The following FER1L6 variants were observed in gnomAD, a reference collection of about 807,000 sequenced individuals.
FER1L6 encodes fer-1 like family member 6, also known as fer-1-like protein 6.
A neutral mutation model predicts 219.2 loss-of-function variants in FER1L6; 177 were observed. That is an observed-to-expected ratio of 0.81 (90% confidence interval 0.71 to 0.91). The LOEUF (loss-of-function observed/expected upper bound fraction) is 0.91, where lower values mean the gene tolerates loss of function less well. Ranked by LOEUF, FER1L6 falls within the 40% of genes least tolerant of loss-of-function variation. FER1L6 has a pLI of 0.00. For missense variants in FER1L6, 2,153 were observed against 2,259.9 expected, an observed-to-expected ratio of 0.95 and a Z score of 0.96; for synonymous variants, 768 against 824.3, an observed-to-expected ratio of 0.93 and a Z score of 1.17.
Position 124,091,505 on chromosome 8 carries a change from C to G in FER1L6, c.4474C>G (p.Pro1492Ala), listed in dbSNP as rs764463803. ...CTGCAAAGACAACAAGCTGGATGGA[C>G]CCTACTTTCACCCTGGGAAAATACA... Reference protein sequence around the residue: ...KLCKDNKLDGPYFHPGKIQIG... With the variant: ...KLCKDNKLDGAYFHPGKIQIG... The change falls in exon 34 of 41, where the codon CCC becomes GCC. Residue 1492 changes from proline (P) to alanine (A), a missense_variant. Coordinates refer to ENST00000522917, the MANE Select transcript of FER1L6 (RefSeq NM_001039112.2). The G allele has an allele frequency of 6.2e-7, 1 of 1,613,900 alleles. No homozygotes were observed. Among genetic ancestry groups the G allele is most frequent in the Non-Finnish European group, 8.5e-7 (1 of 1,179,794 alleles).
intron 12 of FER1L6, among the ~76,000 whole-genome samples, chr8:123,997,131 C>G (rs1268199805): frequency 6.6e-6 from 1 of 152,102 alleles, no homozygotes; most frequent in Non-Finnish European, 1.5e-5. Flanking sequence ...TTTCTTGTTG[C>G]TCATTAACAT....
chr8:123,940,449 T>G (rs1814192834), intron 1 of FER1L6, among the ~76,000 whole-genome samples: 1 of 152,212 alleles, frequency 6.6e-6, no homozygotes, highest in African/African-American at 2.4e-5. Context: ...ACAGTTTTCC[T>G]GCCTCAGCCT....
At chr8:124,033,928 T>C (rs1819086278) in intron 18 of FER1L6, among the ~76,000 whole-genome samples, 1 of 152,162 alleles carries the variant, frequency 6.6e-6, no homozygotes. Context: ...CTGAGTCTTC[T>C]GGCCCCACTC....
At chr8:123,974,437 A>T (rs974513447) in intron 7 of FER1L6, among the ~76,000 whole-genome samples, 2 of 151,994 alleles carry the variant, frequency 1.3e-5, no homozygotes, top group Non-Finnish European at 2.9e-5. Flanking sequence ...GGAGTTCAAG[A>T]CCAGCCTGGC....
rs200894396 is a variant in FER1L6, at chr8:124,049,709, G to T, written c.2827G>T (p.Gly943Trp). ...GTTATGCTATCACCCCATCTTTTGT[G>T]GGAATCTCTCTGGAGGGGATCTCCT... ...PRLCYHPIFC[G>W]NLSGGDLLAV... Residue 943 changes from glycine to tryptophan, a missense_variant, in exon 22 of 41, where the codon GGG becomes TGG. Gly to Trp is a radical substitution (Grantham distance 184). Transcript: ENST00000522917. 2.5e-3 allele frequency: 3,990 copies of T among 1,614,068 alleles called. 24 individuals are homozygous for T. Among genetic ancestry groups the T allele is most frequent in the South Asian group, 9.2e-3 (842 of 91,074 alleles).
intron 1 of FER1L6, among the ~76,000 whole-genome samples, chr8:123,865,515 T>C (rs905661912): frequency 2.0e-5 from 3 of 151,548 alleles, no homozygotes; most frequent in South Asian, 4.1e-4. Flanking sequence ...CCACCCAGTT[T>C]GAGCTTCCAG....
At chr8:123,899,970 G>A (rs1812828123) in intron 1 of FER1L6, among the ~76,000 whole-genome samples, 1 of 152,102 alleles carries the variant, frequency 6.6e-6, no homozygotes, top group Non-Finnish European at 1.5e-5. Flanking sequence ...TCTTGCTTTG[G>A]CTATGTGGGT....
At chr8:124,028,992 A>G (rs988048119) in intron 18 of FER1L6, among the ~76,000 whole-genome samples, 16 of 151,860 alleles carry the variant, frequency 1.1e-4, no homozygotes, top group African/African-American at 3.9e-4. Context: ...ATGTGTTCTC[A>G]TTGTTCAACT....
At chr8:124,098,719 T>C (rs1563799585) in intron 37 of FER1L6, among the ~76,000 whole-genome samples, 1 of 152,186 alleles carries the variant, frequency 6.6e-6, no homozygotes, top group Non-Finnish European at 1.5e-5. Flanking sequence ...TGTAAATAGG[T>C]ATTTTACCAT....
chr8:123,934,636 T>C (rs189118851), intron 1 of FER1L6, among the ~76,000 whole-genome samples: 8 of 152,212 alleles, frequency 5.3e-5, no homozygotes, highest in Admixed American at 2.0e-4. Context: ...ATCACTGTGA[T>C]CATTTGATTA....
chr8:123,943,569 C>T (rs1447598078), intron 1 of FER1L6, among the ~76,000 whole-genome samples: 1 of 152,200 alleles, frequency 6.6e-6, no homozygotes, highest in Admixed American at 6.5e-5. Context: ...AGCTTTCCTT[C>T]TTCCGAGACA....
At chr8:123,934,728 C>A (rs889147847) in intron 1 of FER1L6, among the ~76,000 whole-genome samples, 2 of 152,070 alleles carry the variant, frequency 1.3e-5, no homozygotes, top group African/African-American at 4.8e-5. Context: ...TATTGCCACA[C>A]AAATCTCATC....
At chr8:123,854,339 GC>G (rs1185691120) in intron 1 of FER1L6, among the ~76,000 whole-genome samples, 1 of 152,106 alleles carries the variant, frequency 6.6e-6, no homozygotes, top group Non-Finnish European at 1.5e-5. Flanking sequence ...GAAATCCAAG[GC>G]TCCTCCCACA....
intron 38 of FER1L6, 149 bp from the exon 39 acceptor site, chr8:124,102,997 A>C: frequency 1.3e-6 from 1 of 744,306 alleles, no homozygotes; most frequent in African/African-American, 1.7e-5. Context: ...TTGTACTCCC[A>C]ATACCTAGCA....
chr8:123,927,890 A>C (rs1253456452), intron 1 of FER1L6, among the ~76,000 whole-genome samples: 1 of 152,116 alleles, frequency 6.6e-6, no homozygotes, highest in Non-Finnish European at 1.5e-5. Context: ...CACAGTGTTT[A>C]TTGTCTGGCG....
chr8:124,061,351 C>G (rs1820561747), intron 24 of FER1L6, among the ~76,000 whole-genome samples: 1 of 152,032 alleles, frequency 6.6e-6, no homozygotes, highest in Non-Finnish European at 1.5e-5. Flanking sequence ...GGACATATAT[C>G]CCCAGTTAGC....
rs7813572 is a variant in FER1L6 at position 123,996,590 on chromosome 8, A to T, written c.1520-6577A>T. On this transcript the variant is annotated intron_variant, in intron 12 of 40. Transcript: ENST00000522917. Reference sequence around the variant, plus strand: ...GTGTTTTTATTTATTCTGCCACTGTATATTTTTTGATTAGAGAGTTTATCC... The same window carrying T: ...GTGTTTTTATTTATTCTGCCACTGTTTATTTTTTGATTAGAGAGTTTATCC... Among the ~76,000 whole-genome samples the T allele has an allele frequency of 2.5e-3, 375 of 152,096 alleles. 2 individuals carry two copies. The highest frequency in any genetic ancestry group is 8.4e-3 in the African/African-American group (349 of 41,520).
rs746398940 is a variant in FER1L6, at chr8:124,119,685, G to A, written c.5469G>A (p.Lys1823=). The A allele has an allele frequency of 6.2e-7, 1 of 1,613,556 alleles. No homozygotes were observed. The highest frequency in any genetic ancestry group is 1.1e-5 in the South Asian group (1 of 91,072). The change falls in exon 41 of 41, where the codon AAG becomes AAA. Residue 1823 remains lysine, a synonymous_variant. Transcript: ENST00000522917. The part of the protein sequence containing the change: ...LYYLIWKNYK[K]YIIIAFILII... The stretch of plus-strand genomic sequence containing the variant: ...ACCTCATCTGGAAGAATTACAAAAA[G>A]TACATCATCATTGCTTTCATTCTCA...
At chr8:123,987,079 C>A (rs1265859919) in intron 12 of FER1L6, among the ~76,000 whole-genome samples, 1 of 152,126 alleles carries the variant, frequency 6.6e-6, no homozygotes, top group Non-Finnish European at 1.5e-5. Context: ...TTTTAGTTTT[C>A]TGAGGAACTG....
Sources: allele counts gnomAD v4.1 joint callset (sites outside exome capture counted in the v4.1 genomes callset), GRCh38; gene constraint gnomAD v4.1.1; transcripts MANE v1.5; gene names NCBI Gene and HGNC (gene_info 2026-07-23, HGNC 2026-07-21).